CLCN3: variants seen among roughly 807,000 people sequenced by gnomAD.
CLCN3 encodes H(+)/Cl(-) exchange transporter 3.
A neutral mutation model predicts 83.4 loss-of-function variants in CLCN3; 16 were observed. That is an observed-to-expected ratio of 0.19 (90% CI 0.13 to 0.29). CLCN3 has a LOEUF of 0.29. CLCN3 is among the 10% of genes least tolerant of loss of function. CLCN3 has a pLI of 1.00. For missense variants in CLCN3, 544 were observed against 1,006.0 expected (o/e 0.54, Z 6.21); for synonymous variants, 322 against 346.2 (o/e 0.93, Z 0.78).
chr4:169,710,232 T>A (rs569603315), intron 11 of CLCN3, among the ~76,000 whole-genome samples: 1 of 152,300 alleles, frequency 6.6e-6, no homozygotes, highest in African/African-American at 2.4e-5. Flanking sequence ...AAAATCCCTC[T>A]CCTTAGCAGT....
chr4:169,718,704 G>A lies in CLCN3; in HGVS notation c.2367-1203G>A, dbSNP rs576181370. Among the ~76,000 whole-genome samples, 7 of 152,284 alleles carry A rather than the reference G, an allele frequency of 4.6e-5. No homozygotes were observed. The East Asian group carries it at 1.4e-3, about 29-fold the overall frequency. Reference sequence around the variant, plus strand: ...ATTTTGCCCTGCAATTGTCATACCTGTATGAAACCTGTCCCAGTTTGCTTA... The same window carrying A: ...ATTTTGCCCTGCAATTGTCATACCTATATGAAACCTGTCCCAGTTTGCTTA... On this transcript the variant is annotated intron_variant, in intron 12 of 12. Transcript: ENST00000513761.
Position 169,720,191 on chromosome 4 carries a change from A to G in CLCN3, c.*194A>G. The G allele has an allele frequency of 4.1e-6, 3 of 731,902 alleles. No individual in the cohort carries two copies. Among genetic ancestry groups the G allele is most frequent in the South Asian group, 3.8e-5 (2 of 52,468 alleles). The allele number at this position is 731,902 out of a possible 1,614,324, so 45.3% of individuals were successfully genotyped here. A position where few individuals can be genotyped will look rare whatever the true frequency, so the allele number is the denominator to read the frequency against. ...ATGGAGGAGTTGTTTGGGGAGGGAA[A>G]GGAGAGAGAAGGAAAGGAGTGAGGT... On this transcript the variant is annotated 3_prime_UTR_variant, in exon 13 of 13. Transcript: ENST00000513761.
intron 4 of CLCN3, 127 bp from the exon 5 acceptor site, chr4:169,688,916 T>G (rs1418883085): frequency 3.1e-6 from 2 of 653,750 alleles, no homozygotes; most frequent in Non-Finnish European, 5.1e-6. Flanking sequence ...ATCTTAAATT[T>G]ATATGTAGTT....
chr4:169,630,927 C>T (rs1385505772), intron 1 of CLCN3, among the ~76,000 whole-genome samples: 2 of 152,212 alleles, frequency 1.3e-5, no homozygotes, highest in African/African-American at 4.8e-5. Context: ...CATATAAGCA[C>T]ATGTGTCTTT....
rs1470824981 is a variant in CLCN3 at position 169,692,251 on chromosome 4, C to G, written c.867C>G (p.Ala289=). Residue 289 remains alanine, a synonymous_variant, in exon 7 of 13, where the codon GCC becomes GCG. Coordinates refer to ENST00000513761, the MANE Select transcript of CLCN3 (RefSeq NM_001829.4). ...AAGAAGGTCCCCTGGTACATGTTGC[C>G]TGTTGCTGCGGAAATATCTTTTCCT... ...LGKEGPLVHV[A]CCCGNIFSYL... 23 of 1,613,548 alleles carry G rather than the reference C, an allele frequency of 1.4e-5. No homozygotes were observed. The highest frequency in any genetic ancestry group is 1.9e-5 in the Non-Finnish European group (23 of 1,179,692).
intron 8 of CLCN3, among the ~76,000 whole-genome samples, chr4:169,696,813 CTTTTTT>C (rs928033309): frequency 7.7e-6 from 1 of 130,550 alleles, no homozygotes; most frequent in Non-Finnish European, 1.6e-5. Flanking sequence ...TGTTTGTATT[CTTTTTT>C]TTTTTTTAAT....
chr4:169,692,745 G>T (rs952932124), intron 7 of CLCN3, among the ~76,000 whole-genome samples: 3 of 152,178 alleles, frequency 2.0e-5, no homozygotes, highest in African/African-American at 7.2e-5. Flanking sequence ...TGTGTGATAT[G>T]AAAAATGCTA....
chr4:169,633,019 A>ATTC (rs1354096755), intron 1 of CLCN3, among the ~76,000 whole-genome samples: 1 of 151,292 alleles, frequency 6.6e-6, no homozygotes, highest in Non-Finnish European at 1.5e-5. Context: ...GATTATTATT[A>ATTC]TTACTTTGTT....
At position 169,625,270 on chromosome 4, in the gene CLCN3, A is replaced by C. The variant is rs1025453526; in HGVS notation, c.-17+4207A>C. ...TGACAATCTTTTTCTTCTTTCACCC[A>C]GTTTATATCCACTTTTCTTTTTAGC... On this transcript the variant is annotated intron_variant, in intron 1 of 12. Coordinates refer to ENST00000513761, the MANE Select transcript of CLCN3 (RefSeq NM_001829.4). 2.0e-5 allele frequency among the ~76,000 whole-genome samples: 3 copies of C among 152,104 alleles called. No homozygotes were observed. In the East Asian group the frequency reaches 5.8e-4, roughly 29 times the overall value.
At position 169,697,669 on chromosome 4, in the gene CLCN3, A is replaced by G. The variant is rs764776707; in HGVS notation, c.1498A>G (p.Ile500Val). 3 of 1,613,852 alleles carry G rather than the reference A, an allele frequency of 1.9e-6. No homozygotes were observed. The highest frequency in any genetic ancestry group is 2.2e-5 in the East Asian group (1 of 44,888). The change falls in exon 9 of 13, where the codon ATA (isoleucine) becomes GTA (valine). Residue 500 changes from isoleucine to valine, a missense_variant. Around this residue, in one of 6 missense-constraint regions of CLCN3, gnomAD observed 194 missense variants for 341.4 expected, o/e 0.57. Coordinates refer to ENST00000513761, the MANE Select transcript of CLCN3 (RefSeq NM_001829.4). The stretch of plus-strand genomic sequence containing the variant: ...AGCAGGCATTGGAGTATATTCAGCT[A>G]TATGGCAGTTATGCCTGGCACTCAT... ...RPAGIGVYSA[I>V]WQLCLALIFK...
At chr4:169,662,613 T>C (rs78911617) in intron 2 of CLCN3, 1 of 152,274 alleles carries the variant, frequency 6.6e-6, no homozygotes, top group East Asian at 1.9e-4. Flanking sequence ...GTGAAGGATA[T>C]CAATAAAGTA....
At position 169,630,227 on chromosome 4, in the gene CLCN3, A is replaced by G. The variant is rs143551950; in HGVS notation, c.-16-5686A>G. On this transcript the variant is annotated intron_variant, in intron 1 of 12. Coordinates refer to ENST00000513761, the MANE Select transcript of CLCN3 (RefSeq NM_001829.4). ...TGCGGTTTGGGGTACAGTTGTACCC[A>G]TTACCCAGGAAGTGGGTATAGTGCT... Among the ~76,000 whole-genome samples the G allele has an allele frequency of 4.8e-3, 729 of 152,326 alleles. 6 individuals are homozygous for G. The highest frequency in any genetic ancestry group is 0.015 in the African/African-American group (611 of 41,570).
chr4:169,626,314 G>C (rs985742105), intron 1 of CLCN3, among the ~76,000 whole-genome samples: 3 of 152,224 alleles, frequency 2.0e-5, no homozygotes, highest in African/African-American at 7.2e-5. Context: ...AGCCTCCAAT[G>C]TTCAGCTATC....
At chr4:169,686,369 T>C (rs1732157483) in intron 3 of CLCN3, among the ~76,000 whole-genome samples, 1 of 150,478 alleles carries the variant, frequency 6.6e-6, no homozygotes, top group Admixed American at 6.6e-5. Context: ...ATTCCAGCTG[T>C]AGCCCTCCTT....
In CLCN3 at chr4:169,704,066, G is replaced by A. The variant is rs140275154; in HGVS notation, c.1632G>A (p.Ala544=). The change falls in exon 10 of 13, where the codon GCG becomes GCA. Residue 544 remains alanine (A), a synonymous_variant. Coordinates refer to ENST00000513761, the MANE Select transcript of CLCN3 (RefSeq NM_001829.4). ...TCGCAGGAAGGATTGTGGGGATTGC[G>A]GTGGAGCAGCTTGCCTACTATCACC... ...GAIAGRIVGI[A]VEQLAYYHHD... is the part of the protein sequence containing the mutation. 1.1e-5 allele frequency: 18 copies of A among 1,614,090 alleles called. No individual in the cohort carries two copies. Among genetic ancestry groups the A allele is most frequent in the Admixed American group, 6.7e-5 (4 of 60,006 alleles).
chr4:169,661,360 AC>A (rs1358039338), intron 2 of CLCN3, among the ~76,000 whole-genome samples: 1 of 152,092 alleles, frequency 6.6e-6, no homozygotes, highest in Non-Finnish European at 1.5e-5. Context: ...TTTAACCCAA[AC>A]TTTTATTTGT....
intron 2 of CLCN3, among the ~76,000 whole-genome samples, chr4:169,678,878 T>G (rs1213356946): frequency 6.6e-6 from 1 of 152,102 alleles, no homozygotes; most frequent in Non-Finnish European, 1.5e-5. Flanking sequence ...CTTTTCTATT[T>G]GACAAAACTG....
At position 169,685,179 on chromosome 4, in the gene CLCN3, A is replaced by G. The variant is rs1430588479; in HGVS notation, c.319-2479A>G. 2.0e-5 allele frequency among the ~76,000 whole-genome samples: 3 copies of G among 152,124 alleles called. No homozygotes were observed. In the East Asian group the frequency reaches 5.8e-4, roughly 29 times the overall value. On this transcript the variant is annotated intron_variant, in intron 3 of 12. Coordinates refer to ENST00000513761, the MANE Select transcript of CLCN3 (RefSeq NM_001829.4). The stretch of plus-strand genomic sequence containing the variant: ...TTACTTTGTTGTAAAGTCCCTTGGA[A>G]TAGTTTCTTCTGTGGCATTATGTTA...
chr4:169,622,089 C>G (rs992025804), intron 1 of CLCN3, among the ~76,000 whole-genome samples: 3 of 152,182 alleles, frequency 2.0e-5, no homozygotes, highest in African/African-American at 7.2e-5. Flanking sequence ...ATTGCATACC[C>G]TTCCCACCCC....
Sources: gnomAD v4.1 joint callset for allele counts (sites outside exome capture counted in the v4.1 genomes callset) on GRCh38, gnomAD v4.1.1 for gene constraint, gnomAD v4.1.1 regional missense constraint, MANE v1.5 for transcripts, NCBI Gene and HGNC (gene_info 2026-07-23, HGNC 2026-07-21) for gene names.